The following SLC30A6 variants were observed in gnomAD, a reference collection of about 807,000 sequenced individuals.
The protein encoded by SLC30A6 is solute carrier family 30 member 6, also known as zinc transporter 6.
SLC30A6 carries 55 observed loss-of-function variants against 63.0 expected under a neutral mutation model. The observed-to-expected ratio is 0.87, with a 90% confidence interval of 0.70 to 1.09. The LOEUF is 1.09. SLC30A6 is among the 50% of genes least tolerant of loss of function. SLC30A6 has a pLI of 0.00. For missense variants in SLC30A6, 587 were observed against 549.2 expected, an observed-to-expected ratio of 1.07 and a Z score of -0.69; for synonymous variants, 224 against 186.1, an observed-to-expected ratio of 1.20 and a Z score of -1.66.
intron 2 of SLC30A6, among the ~76,000 whole-genome samples, chr2:32,172,119 A>T (rs985611973): frequency 4.6e-5 from 7 of 152,132 alleles, no homozygotes; most frequent in Admixed American, 3.3e-4. Flanking sequence ...CATGCTTCTC[A>T]TTGTTGTCTA....
intron 5 of SLC30A6, among the ~76,000 whole-genome samples, chr2:32,189,701 T>C (rs938656765): frequency 7.2e-6 from 1 of 138,966 alleles, no homozygotes; most frequent in Non-Finnish European, 1.5e-5. Context: ...CTTCAACACC[T>C]GGGCTCAAGT....
chr2:32,203,440 A>C, intron 10 of SLC30A6: 1 of 1,519,520 alleles, frequency 6.6e-7, no homozygotes, highest in Non-Finnish European at 9.1e-7. Context: ...TTTTCCAACC[A>C]TCAGCTCAGA....
chr2:32,182,325 A>C (rs1223341999), intron 4 of SLC30A6, among the ~76,000 whole-genome samples: 2 of 152,114 alleles, frequency 1.3e-5, no homozygotes, highest in African/African-American at 4.8e-5. Context: ...AAACCAACCT[A>C]GATTATTTGC....
chr2:32,176,776 C>CT (rs548375761), intron 4 of SLC30A6, among the ~76,000 whole-genome samples: 15 of 148,356 alleles, frequency 1.0e-4, no homozygotes, highest in South Asian at 2.1e-4. Flanking sequence ...TATTTTCTTT[C>CT]TTTTTTTTTT....
Position 32,171,305 on chromosome 2 carries a change from C to A in SLC30A6, c.22C>A (p.Arg8=), listed in dbSNP as rs142115336. 7.0e-5 allele frequency: 113 copies of A among 1,613,394 alleles called. No homozygotes were observed. In the African/African-American group the frequency reaches 1.3e-3, roughly 19 times the overall value. Reference sequence around the variant, plus strand: ...TTGAAAGGGGACAATTCATCTCTTTCGAAAACCACAAAGATCCTTTTTTGG... The same window carrying A: ...TTGAAAGGGGACAATTCATCTCTTTAGAAAACCACAAAGATCCTTTTTTGG... MGTIHLF[R]KPQRSFFGKL... is the part of the protein sequence containing the mutation. Residue 8 remains arginine (R), a synonymous_variant, in exon 2 of 14, where the codon CGA becomes AGA. Coordinates refer to ENST00000282587, the MANE Select transcript of SLC30A6 (RefSeq NM_017964.5).
At chr2:32,210,723 A>G (rs558339415) in intron 13 of SLC30A6, among the ~76,000 whole-genome samples, 40 of 152,150 alleles carry the variant, frequency 2.6e-4, no homozygotes, top group Non-Finnish European at 4.9e-4. Flanking sequence ...CTAGCAGTTC[A>G]ATGATATTAC....
At chr2:32,219,623 A>G (rs1286197917) in intron 13 of SLC30A6, among the ~76,000 whole-genome samples, 6 of 148,734 alleles carry the variant, frequency 4.0e-5, no homozygotes, top group African/African-American at 1.5e-4. Flanking sequence ...TTTAGTGGAG[A>G]CTGGGTTTCA....
chr2:32,204,364 T>C (rs776678417), intron 10 of SLC30A6, among the ~76,000 whole-genome samples: 3 of 152,216 alleles, frequency 2.0e-5, no homozygotes, highest in African/African-American at 4.8e-5. Context: ...TTCCTACTAA[T>C]TAACATAATT....
At chr2:32,200,011 A>G (rs913020423) in intron 10 of SLC30A6, among the ~76,000 whole-genome samples, 2 of 152,042 alleles carry the variant, frequency 1.3e-5, no homozygotes, top group Admixed American at 6.6e-5. Context: ...ACCACCTGGG[A>G]GGCTGAAGCA....
chr2:32,165,947 G>A, intron 1 of SLC30A6, 44 bp downstream of exon 1: 1 of 1,613,984 alleles, frequency 6.2e-7, no homozygotes, highest in Non-Finnish European at 8.5e-7. Flanking sequence ...TAGCTGATTC[G>A]GTTTATCTTA....
intron 10 of SLC30A6, chr2:32,203,877 A>C: frequency 2.9e-6 from 3 of 1,038,588 alleles, no homozygotes; most frequent in Non-Finnish European, 4.6e-6. Context: ...CAGGTGGTCG[A>C]TCTGGCAGCC....
intron 1 of SLC30A6, among the ~76,000 whole-genome samples, chr2:32,166,554 C>T (rs552153350): frequency 6.6e-6 from 1 of 152,210 alleles, no homozygotes; most frequent in Non-Finnish European, 1.5e-5. Context: ...TAGAATTAGT[C>T]ATTCTTTGCC....
In SLC30A6 at chr2:32,222,624, T is replaced by A. The variant is rs551750283; in HGVS notation, c.*1911T>A. ...GCAACCCCTGTTCAGGCATGTGACC[T>A]GCTAAAGAAATACAGCCTACACTAC... On this transcript the variant is annotated 3_prime_UTR_variant, in exon 14 of 14. Transcript: ENST00000282587. The A allele has an allele frequency of 3.7e-4, 57 of 152,324 alleles. 1 individual carries two copies. Among genetic ancestry groups the A allele is most frequent in the African/African-American group, 1.4e-3 (57 of 41,568 alleles). The allele number at this position is 152,324 out of a possible 1,614,324, so 9.4% of individuals were successfully genotyped here.
chr2:32,220,414 C>T lies in SLC30A6; in HGVS notation c.1087C>T (p.Leu363Phe). ...AGATCATCACGTAATCCCAATGCCT[C>T]TTTTAAAGGGTACTGATGATTTGAA... ...FSDHHVIPMP[L>F]LKGTDDLNPV... Residue 363 changes from leucine (L) to phenylalanine (F), a missense_variant, in exon 14 of 14, where the codon CTT (leucine) becomes TTT (phenylalanine). By Grantham distance (22) the Leu-to-Phe change is conservative (BLOSUM62 0). Coordinates refer to ENST00000282587, the MANE Select transcript of SLC30A6 (RefSeq NM_017964.5). The T allele has an allele frequency of 6.2e-7, 1 of 1,614,218 alleles. No homozygotes were observed. The highest frequency in any genetic ancestry group is 8.5e-7 in the Non-Finnish European group (1 of 1,180,038).
chr2:32,168,083 T>C (rs1216034954), intron 1 of SLC30A6, among the ~76,000 whole-genome samples: 2 of 152,222 alleles, frequency 1.3e-5, no homozygotes, highest in African/African-American at 4.8e-5. Flanking sequence ...TATATCTTTA[T>C]GCTTGAAACA....
At chr2:32,197,651 C>A in intron 9 of SLC30A6, 56 bp from the exon 10 acceptor site, 4 of 1,608,258 alleles carry the variant, frequency 2.5e-6, no homozygotes, top group Non-Finnish European at 3.4e-6. Context: ...ACAAGGTTGT[C>A]ACCAGTTTTA....
chr2:32,203,213 T>C, intron 10 of SLC30A6: 1 of 1,095,892 alleles, frequency 9.1e-7, no homozygotes, highest in Non-Finnish European at 1.4e-6. Flanking sequence ...ATGTTGAGTC[T>C]ATATCCATCG....
At position 32,210,650 on chromosome 2, in the gene SLC30A6, A is replaced by G. The variant is rs139173210; in HGVS notation, c.885+1089A>G. 3.3e-5 allele frequency among the ~76,000 whole-genome samples: 5 copies of G among 152,226 alleles called. No homozygotes were observed. The East Asian group carries it at 7.7e-4, about 23-fold the overall frequency. ...CTCTTCTACAGTATCATTAAAAAAA[A>G]CAGATAGGGTTTGATTTTTCTAATA... On this transcript the variant is annotated intron_variant, in intron 13 of 13. Coordinates refer to ENST00000282587, the MANE Select transcript of SLC30A6 (RefSeq NM_017964.5).
chr2:32,219,195 G>A lies in SLC30A6; in HGVS notation c.886-1018G>A, dbSNP rs1002069582. On this transcript the variant is annotated intron_variant, in intron 13 of 13. Coordinates refer to ENST00000282587, the MANE Select transcript of SLC30A6 (RefSeq NM_017964.5). The stretch of plus-strand genomic sequence containing the variant: ...ATTATAGGCACATGTCACCACACCC[G>A]GCTAATTTTTGTATTTTTAGTGGAG... Among the ~76,000 whole-genome samples the A allele has an allele frequency of 8.6e-5, 13 of 151,588 alleles. 1 individual carries two copies. Among genetic ancestry groups the A allele is most frequent in the African/African-American group, 2.7e-4 (11 of 41,328 alleles).
Sources: allele counts gnomAD v4.1 joint callset (sites outside exome capture counted in the v4.1 genomes callset), GRCh38; gene constraint gnomAD v4.1.1; transcripts MANE v1.5; gene names NCBI Gene and HGNC (gene_info 2026-07-23, HGNC 2026-07-21).